Variants in FBXL13 observed in about 807,000 individuals in gnomAD.
FBXL13 encodes the protein F-box and leucine rich repeat protein 13, also known as F-box and leucine-rich repeat protein 13.
Under a neutral mutation model 83.6 loss-of-function variants are expected in FBXL13, and 67 were observed. That is an observed-to-expected ratio of 0.80 (90% CI 0.66 to 0.98). FBXL13 has a LOEUF of 0.98. Ranked by LOEUF, FBXL13 falls within the 50% of genes least tolerant of loss-of-function variation. FBXL13 has a pLI of 0.00. For missense variants in FBXL13, 822 were observed against 866.5 expected (o/e 0.95, Z 0.64); for synonymous variants, 272 against 299.5 (o/e 0.91, Z 0.95).
At chr7:102,820,653 TAAAG>T (rs1798677191) in intron 19 of FBXL13, among the ~76,000 whole-genome samples, 1 of 152,280 alleles carries the variant, frequency 6.6e-6, no homozygotes, top group African/African-American at 2.4e-5. Flanking sequence ...GGGTAATTTA[TAAAG>T]AAAAGAAATT....
At chr7:102,826,724 C>CTCAT (rs1465698757) in intron 18 of FBXL13, among the ~76,000 whole-genome samples, 22 of 62,708 alleles carry the variant, frequency 3.5e-4, no homozygotes, top group African/African-American at 9.6e-4. Context: ...GACCCTGTCT[C>CTCAT]ATATATATAT....
chr7:102,916,313 A>G (rs1464689616), intron 10 of FBXL13, among the ~76,000 whole-genome samples: 1 of 152,142 alleles, frequency 6.6e-6, no homozygotes, highest in South Asian at 2.1e-4. Context: ...ATCCCCCATT[A>G]AAATTCATGG....
chr7:103,027,444 A>G lies in FBXL13; in HGVS notation c.327+5T>C, dbSNP rs775193707. The G allele has an allele frequency of 1.0e-5, 16 of 1,596,208 alleles. No homozygotes were observed. The highest frequency in any genetic ancestry group is 3.3e-4 in the Middle Eastern group (2 of 6,036). On this transcript the variant is annotated splice_donor_5th_base_variant and intron_variant, in intron 5 of 19. Transcript: ENST00000313221. ...TTCTTAAAAAATTGTTTCAATATAC[A>G]ATACCAGCTCATCTTCTTTCTTTTT...
At chr7:103,024,135 A>AAGAGAGAGAG (rs59206823) in intron 6 of FBXL13, among the ~76,000 whole-genome samples, 3,160 of 96,238 alleles carry the variant, frequency 0.033, 222 homozygotes, top group Non-Finnish European at 0.051. Context: ...AAAAGTTAAA[A>AAGAGAGAGAG]AGAGAGAGAG....
exon 13 of FBXL13, chr7:102,883,615 G>T: frequency 6.2e-7 from 1 of 1,612,392 alleles, no homozygotes; most frequent in African/African-American, 1.3e-5. Context: ...AGCTCTGAAA[G>T]TACAATCGGA....
intron 10 of FBXL13, among the ~76,000 whole-genome samples, chr7:102,914,557 C>G (rs751175653): frequency 5.0e-4 from 76 of 152,244 alleles, no homozygotes; most frequent in Non-Finnish European, 1.0e-3. Context: ...AAGTTTACCT[C>G]CCATAAATGG....
intron 6 of FBXL13, among the ~76,000 whole-genome samples, chr7:103,014,355 A>G (rs768379145): frequency 6.6e-6 from 1 of 152,086 alleles, no homozygotes; most frequent in African/African-American, 2.4e-5. Context: ...ACCCTGTCTC[A>G]AACAAAAAAA....
At chr7:102,853,006 A>C (rs1192996704) in intron 17 of FBXL13, among the ~76,000 whole-genome samples, 1 of 152,246 alleles carries the variant, frequency 6.6e-6, no homozygotes, top group Non-Finnish European at 1.5e-5. Context: ...CATAAAAATG[A>C]AACAATGGCA....
At chr7:102,822,988 G>C (rs1035809516) in intron 18 of FBXL13, among the ~76,000 whole-genome samples, 1 of 152,092 alleles carries the variant, frequency 6.6e-6, no homozygotes, top group African/African-American at 2.4e-5. Flanking sequence ...CTTGAGCCTG[G>C]GAGGTCAGTG....
At chr7:102,963,421 C>A (rs1585155271) in intron 8 of FBXL13, 112 bp downstream of exon 9, 2 of 1,270,812 alleles carry the variant, frequency 1.6e-6, no homozygotes, top group Admixed American at 2.4e-5. Flanking sequence ...AATTGGTATC[C>A]TTATGACCTA....
At position 103,011,213 on chromosome 7, in the gene FBXL13, GAT is replaced by G. The variant is rs373452236; in HGVS notation, c.495+13848_495+13849del. Among the ~76,000 whole-genome samples, 710 of 152,296 alleles carry G rather than the reference GAT, an allele frequency of 4.7e-3. 7 individuals are homozygous for G. The highest frequency in any genetic ancestry group is 0.016 in the African/African-American group (679 of 41,568). ...CCAGGCTGAAATGGATGAGATGTCA[GAT>G]GTAGAATAAAGAATAAGGATAGGAA... On this transcript the variant is annotated intron_variant, in intron 6 of 19. Coordinates refer to ENST00000313221, the Ensembl canonical transcript of FBXL13.
chr7:102,827,933 T>C (rs1310990593), intron 18 of FBXL13, among the ~76,000 whole-genome samples: 1 of 152,194 alleles, frequency 6.6e-6, no homozygotes, highest in Non-Finnish European at 1.5e-5. Context: ...TTCTGTTCCA[T>C]TGGTCTATAT....
chr7:102,835,673 A>T (rs10266873), intron 17 of FBXL13, among the ~76,000 whole-genome samples: 1 of 110,406 alleles, frequency 9.1e-6, no homozygotes, highest in African/African-American at 4.5e-5. Context: ...GCAGTGGCGC[A>T]ATCTCGGCTC....
intron 18 of FBXL13, among the ~76,000 whole-genome samples, chr7:102,829,086 G>T (rs1275411787): frequency 6.6e-6 from 1 of 152,094 alleles, no homozygotes; most frequent in African/African-American, 2.4e-5. Context: ...CAGCCCAGTG[G>T]GTCAAGTGAA....
intron 16 of FBXL13, among the ~76,000 whole-genome samples, chr7:102,873,768 T>C (rs1808854855): frequency 6.6e-6 from 1 of 152,212 alleles, no homozygotes; most frequent in African/African-American, 2.4e-5. Flanking sequence ...CAATAAGCCA[T>C]ACCCAAATGT....
At chr7:103,028,847 G>T in intron 3 of FBXL13, 99 bp from the exon 5 acceptor site, 3 of 1,031,190 alleles carry the variant, frequency 2.9e-6, no homozygotes, top group Non-Finnish European at 3.9e-6. Flanking sequence ...TCTCCTTTAT[G>T]ACCTCAAAAA....
At chr7:102,873,069 C>T (rs887729443) in intron 16 of FBXL13, among the ~76,000 whole-genome samples, 5 of 152,212 alleles carry the variant, frequency 3.3e-5, no homozygotes, top group Non-Finnish European at 7.3e-5. Flanking sequence ...CAATAAACAT[C>T]TTTCTGGATT....
At chr7:102,950,448 G>A (rs913938357) in intron 8 of FBXL13, among the ~76,000 whole-genome samples, 2 of 152,164 alleles carry the variant, frequency 1.3e-5, no homozygotes, top group African/African-American at 4.8e-5. Flanking sequence ...AAGACAGTTT[G>A]GCACTTTCTT....
intron 19 of FBXL13, among the ~76,000 whole-genome samples, chr7:102,818,500 AG>A (rs1798313049): frequency 6.6e-6 from 1 of 152,238 alleles, no homozygotes; most frequent in South Asian, 2.1e-4. Context: ...TGATAATAAA[AG>A]TCAACAGCTC....
Sources: allele counts gnomAD v4.1 joint callset (sites outside exome capture counted in the v4.1 genomes callset), GRCh38; gene constraint gnomAD v4.1.1; transcripts MANE v1.5; gene names NCBI Gene and HGNC (gene_info 2026-07-23, HGNC 2026-07-21).